Variants in ZBTB7C observed in about 807,000 individuals in gnomAD.
ZBTB7C encodes zinc finger and BTB domain containing 7C, also known as zinc finger and BTB domain-containing protein 7C.
A neutral mutation model predicts 25.7 loss-of-function variants in ZBTB7C; 8 were observed. The ratio of observed to expected loss-of-function variants is 0.31; its 90% CI spans 0.18 to 0.56. ZBTB7C has a LOEUF of 0.56. ZBTB7C is among the 20% of genes least tolerant of loss of function. ZBTB7C has a pLI of 0.91. For synonymous variants in ZBTB7C, 394 were observed against 369.0 expected, an observed-to-expected ratio of 1.07 and a Z score of -0.78; for missense variants, 824 against 855.2, an observed-to-expected ratio of 0.96 and a Z score of 0.46.
intron 4 of ZBTB7C, among the ~76,000 whole-genome samples, chr18:48,031,723 C>T (rs879816981): frequency 9.8e-5 from 15 of 152,328 alleles, no homozygotes; most frequent in East Asian, 1.9e-4. Flanking sequence ...GGTGGTGGTC[C>T]GTGGACCCCA....
chr18:48,191,197 G>A (rs2042186095), intron 2 of ZBTB7C, among the ~76,000 whole-genome samples: 1 of 152,180 alleles, frequency 6.6e-6, no homozygotes, highest in African/African-American at 2.4e-5. Flanking sequence ...GCAGGTGGAA[G>A]ATGAGCACAT....
intron 4 of ZBTB7C, among the ~76,000 whole-genome samples, chr18:48,031,632 A>G (rs2035752209): frequency 6.6e-6 from 1 of 152,216 alleles, no homozygotes; most frequent in African/African-American, 2.4e-5. Flanking sequence ...CCCTACTCCC[A>G]GAGAGTCTGA....
At chr18:48,078,176 A>G (rs1484759352) in intron 3 of ZBTB7C, among the ~76,000 whole-genome samples, 1 of 152,210 alleles carries the variant, frequency 6.6e-6, no homozygotes, top group Non-Finnish European at 1.5e-5. Flanking sequence ...CCCATCATTC[A>G]TTCACTCATT....
In ZBTB7C at chr18:48,088,844, TA is replaced by T. The variant is rs5824733; in HGVS notation, c.-16-47722del. On this transcript the variant is annotated intron_variant, in intron 3 of 4. Transcript: ENST00000590800. Reference sequence around the variant, plus strand: ...AACTCTGTCTCAGAAAAAATAAAAATAAAAAAAAAGAAGGAAATTATGGGTG... The same window carrying T: ...AACTCTGTCTCAGAAAAAATAAAAATAAAAAAAAGAAGGAAATTATGGGTG... Among the ~76,000 whole-genome samples, 478 of 149,820 alleles carry T rather than the reference TA, an allele frequency of 3.2e-3. 3 individuals are homozygous for T. The highest frequency in any genetic ancestry group is 0.011 in the African/African-American group (457 of 40,776).
At chr18:48,131,839 T>G (rs1302846638) in intron 3 of ZBTB7C, among the ~76,000 whole-genome samples, 2 of 152,148 alleles carry the variant, frequency 1.3e-5, no homozygotes, top group Non-Finnish European at 2.9e-5. Flanking sequence ...CTTGAGCATA[T>G]AAACCCTTAA....
chr18:48,127,236 GC>G (rs2039831974), intron 3 of ZBTB7C, among the ~76,000 whole-genome samples: 1 of 152,166 alleles, frequency 6.6e-6, no homozygotes, highest in Admixed American at 6.5e-5. Flanking sequence ...TGATTCCAGA[GC>G]CTATGTGCTA....
At chr18:48,287,844 C>CTGTTAAACTGTGTAA (rs1598787418) in intron 2 of ZBTB7C, among the ~76,000 whole-genome samples, 1 of 152,268 alleles carries the variant, frequency 6.6e-6, no homozygotes, top group East Asian at 1.9e-4. Context: ...AAGGGAGACA[C>CTGTTAAACTGTGTAA]CTGATAAAAT....
At chr18:48,404,366 C>T (rs1433251264) in intron 1 of ZBTB7C, among the ~76,000 whole-genome samples, 2 of 152,144 alleles carry the variant, frequency 1.3e-5, no homozygotes, top group African/African-American at 2.4e-5. Flanking sequence ...AACACATGAG[C>T]TCAATGTGTT....
chr18:48,146,258 G>A (rs992305255), intron 3 of ZBTB7C, among the ~76,000 whole-genome samples: 2 of 152,120 alleles, frequency 1.3e-5, no homozygotes, highest in Non-Finnish European at 2.9e-5. Context: ...TAATAATTAT[G>A]TTTTATAATA....
intron 2 of ZBTB7C, among the ~76,000 whole-genome samples, chr18:48,246,477 A>C (rs2043698165): frequency 6.6e-6 from 1 of 151,610 alleles, no homozygotes; most frequent in South Asian, 2.1e-4. Context: ...AAAGCTTAAA[A>C]TAGAAAAATG....
chr18:48,351,276 C>T (rs2046856733), intron 1 of ZBTB7C, among the ~76,000 whole-genome samples: 1 of 151,992 alleles, frequency 6.6e-6, no homozygotes, highest in Non-Finnish European at 1.5e-5. Flanking sequence ...CCCAGGAAGC[C>T]CTTGAGGATT....
chr18:48,392,157 G>C (rs960466214), intron 1 of ZBTB7C, among the ~76,000 whole-genome samples: 6 of 152,156 alleles, frequency 3.9e-5, no homozygotes, highest in Non-Finnish European at 8.8e-5. Flanking sequence ...CTCTGTGCTG[G>C]TCCCTTAAAT....
chr18:48,280,129 C>T (rs1356310090), intron 2 of ZBTB7C, among the ~76,000 whole-genome samples: 2 of 152,094 alleles, frequency 1.3e-5, no homozygotes, highest in African/African-American at 4.8e-5. Flanking sequence ...GTGCTGTAGG[C>T]AGGAGCACAG....
chr18:48,044,064 G>A (rs1327572586), intron 3 of ZBTB7C, among the ~76,000 whole-genome samples: 1 of 152,196 alleles, frequency 6.6e-6, no homozygotes, highest in Non-Finnish European at 1.5e-5. Flanking sequence ...CACAAAGTAG[G>A]CAGCCCCACC....
intron 3 of ZBTB7C, among the ~76,000 whole-genome samples, chr18:48,152,471 A>G (rs542115956): frequency 1.2e-4 from 18 of 152,356 alleles, no homozygotes; most frequent in African/African-American, 4.1e-4. Context: ...TGATGGACAG[A>G]TGATAGATAG....
At chr18:48,055,703 G>T (rs75946907) in intron 3 of ZBTB7C, among the ~76,000 whole-genome samples, 1 of 152,104 alleles carries the variant, frequency 6.6e-6, no homozygotes, top group Non-Finnish European at 1.5e-5. Flanking sequence ...AGACTTTCCC[G>T]ACCTAAAGGA....
At chr18:48,164,898 T>A (rs565013856) in intron 3 of ZBTB7C, among the ~76,000 whole-genome samples, 6 of 152,118 alleles carry the variant, frequency 3.9e-5, no homozygotes, top group Admixed American at 6.6e-5. Context: ...CAAGTTGGGA[T>A]TGTTGTTGTC....
intron 3 of ZBTB7C, among the ~76,000 whole-genome samples, chr18:48,125,532 C>T (rs985882299): frequency 2.6e-5 from 4 of 152,180 alleles, no homozygotes; most frequent in Non-Finnish European, 5.9e-5. Context: ...TTTCAGGATT[C>T]GGCTAACCCT....
chr18:48,269,149 C>T lies in ZBTB7C; in HGVS notation c.-79+69025G>A, dbSNP rs780097562. The stretch of plus-strand genomic sequence containing the variant: ...CTAACTTTTTTTGTATTTTTAGTAT[C>T]GGCAGGGTTTTGTCTTGTTGACCAG... On this transcript the variant is annotated intron_variant, in intron 2 of 4. Transcript: ENST00000590800. 9.3e-4 allele frequency among the ~76,000 whole-genome samples: 141 copies of T among 151,870 alleles called. 1 individual carries two copies. Among genetic ancestry groups the T allele is most frequent in the Middle Eastern group, 6.8e-3 (2 of 294 alleles).
Sources: allele counts gnomAD v4.1 joint callset (sites outside exome capture counted in the v4.1 genomes callset), GRCh38; gene constraint gnomAD v4.1.1; transcripts MANE v1.5; gene names NCBI Gene and HGNC (gene_info 2026-07-23, HGNC 2026-07-21).